SPDL1: variants seen among roughly 807,000 people sequenced by gnomAD.
SPDL1 encodes protein Spindly.
SPDL1 carries 85 observed loss-of-function variants against 79.5 expected under a neutral mutation model. The observed-to-expected ratio is 1.07, with a 90% CI of 0.90 to 1.28. SPDL1 has a LOEUF of 1.28. Among genes scored for constraint, SPDL1 ranks in the 50% most tolerant of loss-of-function variants. SPDL1 has a pLI of 0.00. For missense variants in SPDL1, 703 were observed against 697.8 expected, an observed-to-expected ratio of 1.01 and a Z score of -0.08; for synonymous variants, 269 against 240.3, an observed-to-expected ratio of 1.12 and a Z score of -1.10.
intron 3 of SPDL1, among the ~76,000 whole-genome samples, 171 bp from the exon 4 acceptor site, chr5:169,593,183 T>C (rs1755388838): frequency 6.6e-6 from 1 of 152,244 alleles, no homozygotes; most frequent in African/African-American, 2.4e-5. Flanking sequence ...ATTATTTCTA[T>C]GTTTATTAAA....
intron 7 of SPDL1, 139 bp from the exon 8 acceptor site, chr5:169,596,422 T>C: frequency 1.5e-6 from 1 of 662,880 alleles, no homozygotes; most frequent in Non-Finnish European, 2.5e-6. Flanking sequence ...AAATTTATTA[T>C]TAGATTAGAA....
In SPDL1 at chr5:169,604,372, C is replaced by G; in HGVS notation, c.*165C>G. 1.8e-6 allele frequency: 1 copy of G among 560,638 alleles called. No homozygotes were observed. Among genetic ancestry groups the G allele is most frequent in the Non-Finnish European group, 2.8e-6 (1 of 351,092 alleles). The allele number at this position is 560,638 out of a possible 1,614,324, so 34.7% of individuals were successfully genotyped here. A position where few individuals can be genotyped will look rare whatever the true frequency, so the allele number is the denominator to read the frequency against. On this transcript the variant is annotated 3_prime_UTR_variant, in exon 12 of 12. Transcript: ENST00000265295. ...CCAAGTGTTCAGAATTTGCTTGACT[C>G]TAACCTGGAGAGCTTCTTAAGTGAT...
In SPDL1 at chr5:169,588,532, A is replaced by G; in HGVS notation, c.116A>G (p.Asn39Ser). Reference sequence around the variant, plus strand: ...GTAGAGAGTCAAAATGAATTACAGAATCAATTGGATAAATGTCGTAATGAA... The same window carrying G: ...GTAGAGAGTCAAAATGAATTACAGAGTCAATTGGATAAATGTCGTAATGAA... ...QLVESQNELQ[N>S]QLDKCRNEMM... Residue 39 changes from asparagine (N) to serine (S), a missense_variant, in exon 2 of 12, where the codon AAT becomes AGT. Physicochemically the swap from Asn to Ser is conservative, Grantham distance 46 (BLOSUM62 1). Transcript: ENST00000265295. 1.9e-6 allele frequency: 3 copies of G among 1,613,652 alleles called. No individual in the cohort carries two copies. The highest frequency in any genetic ancestry group is 2.5e-6 in the Non-Finnish European group (3 of 1,179,802).
chr5:169,592,830 T>C (rs36080303), intron 3 of SPDL1, among the ~76,000 whole-genome samples: 2 of 127,542 alleles, frequency 1.6e-5, no homozygotes, highest in Non-Finnish European at 3.3e-5. Context: ...TTTTTTTTGG[T>C]GGAGCAAAGA....
rs6886140 is a variant in SPDL1, at chr5:169,597,044, A to C, written c.1032+343A>C. On this transcript the variant is annotated intron_variant, in intron 8 of 11. Transcript: ENST00000265295. ...TATTTTATCCTATGAGTTATAATCC[A>C]TTGCTTGCTTTATTTACTCTGATAC... Among the ~76,000 whole-genome samples, 800 of 152,204 alleles carry C rather than the reference A, an allele frequency of 5.3e-3. 6 individuals carry two copies. Among genetic ancestry groups the C allele is most frequent in the African/African-American group, 0.018 (738 of 41,518 alleles).
intron 10 of SPDL1, among the ~76,000 whole-genome samples, chr5:169,600,041 A>G (rs1257620064): frequency 1.3e-5 from 2 of 152,192 alleles, no homozygotes; most frequent in African/African-American, 4.8e-5. Flanking sequence ...AGTGAAGTTT[A>G]CTGTATGTAA....
chr5:169,604,221 A>G lies in SPDL1; in HGVS notation c.*14A>G. ...CCTCAACAGTAAAGACTTGTCTTTA[A>G]TAAGAGTACGGTGCCACTTGCCTCA... On this transcript the variant is annotated 3_prime_UTR_variant, in exon 12 of 12. Coordinates refer to ENST00000265295, the MANE Select transcript of SPDL1 (RefSeq NM_017785.5). The G allele has an allele frequency of 7.1e-6, 11 of 1,550,580 alleles. No homozygotes were observed. The highest frequency in any genetic ancestry group is 9.5e-6 in the Non-Finnish European group (11 of 1,152,722).
intron 7 of SPDL1, chr5:169,596,306 T>A: frequency 2.7e-6 from 1 of 366,530 alleles, no homozygotes; most frequent in Non-Finnish European, 4.9e-6. Context: ...ACCACAGCCA[T>A]GCAAGTCAGT....
chr5:169,599,739 C>T (rs879499076), intron 10 of SPDL1, among the ~76,000 whole-genome samples: 3 of 152,154 alleles, frequency 2.0e-5, no homozygotes, highest in Non-Finnish European at 4.4e-5. Flanking sequence ...TCTTGATTCT[C>T]AGGGGCCATG....
intron 3 of SPDL1, 91 bp downstream of exon 3, chr5:169,591,315 G>C: frequency 7.3e-7 from 1 of 1,363,716 alleles, no homozygotes. Flanking sequence ...TTAAGTGTCA[G>C]CTTTGCAAAA....
intron 1 of SPDL1, 25 bp from the exon 2 acceptor site, chr5:169,588,369 G>T: frequency 6.6e-7 from 1 of 1,509,168 alleles, no homozygotes; most frequent in Non-Finnish European, 9.0e-7. Context: ...ATAAGCTTAA[G>T]TAGTTTTATT....
chr5:169,591,169 T>C lies in SPDL1; in HGVS notation c.281T>C (p.Leu94Ser), dbSNP rs750672457. The C allele has an allele frequency of 2.0e-5, 32 of 1,613,958 alleles. No homozygotes were observed. The Middle Eastern group carries it at 2.3e-3, about 117-fold the overall frequency. The change falls in exon 3 of 12, where the codon TTG (leucine) becomes TCG (serine). Residue 94 changes from leucine (L) to serine (S), a missense_variant. Transcript: ENST00000265295. ...KQQQKMHLEK[L>S]EEQLSRSHGQ... The stretch of plus-strand genomic sequence containing the variant: ...CAACAAAAAATGCACCTGGAGAAAT[T>C]GGAAGAACAACTAAGCAGAAGCCAT...
In SPDL1 at chr5:169,594,258, A is replaced by G; in HGVS notation, c.645A>G (p.Arg215=). The change falls in exon 5 of 12, where the codon CGA becomes CGG. Residue 215 remains arginine, a synonymous_variant. Transcript: ENST00000265295. ...GGCTTAAAGAGGAAAAAGAGGAGCG[A>G]GAGAAAGAAGCAGTTTCTTACTATA... ...VDRLKEEKEE[R]EKEAVSYYNA... The G allele has an allele frequency of 6.2e-7, 1 of 1,614,100 alleles. No individual in the cohort carries two copies.
chr5:169,591,182 A>G lies in SPDL1; in HGVS notation c.294A>G (p.Leu98=). The G allele has an allele frequency of 6.2e-7, 1 of 1,614,038 alleles. No individual in the cohort carries two copies. The highest frequency in any genetic ancestry group is 8.5e-7 in the Non-Finnish European group (1 of 1,179,978). The part of the protein sequence containing the change: ...KMHLEKLEEQ[L]SRSHGQEVNE... ...ACCTGGAGAAATTGGAAGAACAACT[A>G]AGCAGAAGCCATGGACAGGAAGTGA... Residue 98 remains leucine (L), a synonymous_variant, in exon 3 of 12, where the codon CTA becomes CTG. Coordinates refer to ENST00000265295, the MANE Select transcript of SPDL1 (RefSeq NM_017785.5).
chr5:169,595,314 GCTTC>G (rs920285923), intron 7 of SPDL1: 36 of 152,284 alleles, frequency 2.4e-4, no homozygotes, highest in African/African-American at 8.4e-4. Flanking sequence ...ATCTGGAAAG[GCTTC>G]CTTCCTTTTA....
Position 169,594,090 on chromosome 5 carries a change from G to A in SPDL1, c.532-55G>A. 3 of 1,467,244 alleles carry A rather than the reference G, an allele frequency of 2.0e-6. No individual in the cohort carries two copies. In the South Asian group the frequency reaches 3.9e-5, roughly 19 times the overall value. The allele number at this position is 1,467,244 out of a possible 1,614,324, so 90.9% of individuals were successfully genotyped here. A position where few individuals can be genotyped will look rare whatever the true frequency, so the allele number is the denominator to read the frequency against. ...CACAACTGAGATAAACTGAGCAGCTGCCAAATGAAAGATTATTCAAGAGAA... is the reference window on the plus strand; with the variant it reads ...CACAACTGAGATAAACTGAGCAGCTACCAAATGAAAGATTATTCAAGAGAA... On this transcript the variant is annotated intron_variant, in intron 4 of 11. Coordinates refer to ENST00000265295, the MANE Select transcript of SPDL1 (RefSeq NM_017785.5).
chr5:169,592,355 T>C (rs557476383), intron 3 of SPDL1, among the ~76,000 whole-genome samples: 7 of 151,216 alleles, frequency 4.6e-5, no homozygotes, highest in African/African-American at 1.7e-4. Flanking sequence ...GTGGCTGGGA[T>C]TACAGGTGTG....
intron 3 of SPDL1, among the ~76,000 whole-genome samples, chr5:169,592,599 A>G (rs933625947): frequency 1.3e-5 from 2 of 152,190 alleles, no homozygotes; most frequent in African/African-American, 2.4e-5. Flanking sequence ...CATGTAATAT[A>G]TAATCATCTT....
chr5:169,592,897 T>TTGGA (rs1325711682), intron 3 of SPDL1, among the ~76,000 whole-genome samples: 5 of 151,760 alleles, frequency 3.3e-5, no homozygotes, highest in Non-Finnish European at 5.9e-5. Flanking sequence ...ATGCCAAAAT[T>TTGGA]TGGATTTTTT....
Sources: gnomAD v4.1 joint callset for allele counts (sites outside exome capture counted in the v4.1 genomes callset) on GRCh38, gnomAD v4.1.1 for gene constraint, MANE v1.5 for transcripts, NCBI Gene and HGNC (gene_info 2026-07-23, HGNC 2026-07-21) for gene names.